GRID2: variants seen among roughly 807,000 people sequenced by gnomAD.
The protein encoded by GRID2 is glutamate ionotropic receptor delta type subunit 2.
A neutral mutation model predicts 114.8 loss-of-function variants in GRID2; 33 were observed. That is an observed-to-expected ratio of 0.29 (90% CI 0.22 to 0.38). GRID2 has a LOEUF of 0.38. Ranked by LOEUF, GRID2 falls within the 10% of genes least tolerant of loss-of-function variation. The pLI is 1.00. For missense variants in GRID2, 1,184 were observed against 1,257.7 expected, an observed-to-expected ratio of 0.94 and a Z score of 0.89; for synonymous variants, 505 against 449.9, an observed-to-expected ratio of 1.12 and a Z score of -1.55.
intron 2 of GRID2, among the ~76,000 whole-genome samples, chr4:93,002,021 G>C (rs1165315960): frequency 6.7e-6 from 1 of 150,204 alleles, no homozygotes; most frequent in South Asian, 2.1e-4. Context: ...AAGTAATTCT[G>C]TAAGCTAGTT....
chr4:93,635,164 T>C (rs986358513), intron 14 of GRID2, among the ~76,000 whole-genome samples: 23 of 151,792 alleles, frequency 1.5e-4, no homozygotes, highest in African/African-American at 5.6e-4. Flanking sequence ...CATCAGACTT[T>C]TTTTTAATTT....
rs1734202906 is a variant in GRID2 at position 93,772,635 on chromosome 4, C to T, written c.*137C>T. On this transcript the variant is annotated 3_prime_UTR_variant, in exon 16 of 16. Coordinates refer to ENST00000282020, the MANE Select transcript of GRID2 (RefSeq NM_001510.4). ...TTAGTAACAATTCTAGTTTTTTCCTCCCACCTTCTCCCTCTCCTCTCTCCT... is the reference window on the plus strand; with the variant it reads ...TTAGTAACAATTCTAGTTTTTTCCTTCCACCTTCTCCCTCTCCTCTCTCCT... The T allele has an allele frequency of 1.5e-5, 9 of 596,260 alleles. No homozygotes were observed. Among genetic ancestry groups the T allele is most frequent in the Non-Finnish European group, 2.3e-5 (8 of 348,550 alleles). 36.9% of individuals were successfully genotyped at this position (596,260 alleles called of 1,614,324 possible). A position where few individuals can be genotyped will look rare whatever the true frequency, so the allele number is the denominator to read the frequency against.
At chr4:93,233,583 T>C (rs12647937) in intron 7 of GRID2, among the ~76,000 whole-genome samples, 10,522 of 152,084 alleles carry the variant, frequency 0.069, 490 homozygotes, top group East Asian at 0.25. Flanking sequence ...CCTCAGGTGA[T>C]CCATCTGTCT....
At chr4:92,550,129 A>G (rs887778614) in intron 1 of GRID2, among the ~76,000 whole-genome samples, 3 of 152,152 alleles carry the variant, frequency 2.0e-5, no homozygotes, top group Non-Finnish European at 4.4e-5. Flanking sequence ...CACTGATTTT[A>G]CCATGCATAG....
At chr4:93,066,968 A>G (rs1043927792) in intron 2 of GRID2, among the ~76,000 whole-genome samples, 1 of 152,032 alleles carries the variant, frequency 6.6e-6, no homozygotes, top group Non-Finnish European at 1.5e-5. Context: ...CCTGGGAGGG[A>G]AGAAGCAGCA....
intron 13 of GRID2, among the ~76,000 whole-genome samples, chr4:93,592,422 T>C (rs1201435862): frequency 6.6e-6 from 1 of 152,118 alleles, no homozygotes; most frequent in South Asian, 2.1e-4. Context: ...GTCTGAGAGG[T>C]AGTTTGTTAT....
chr4:92,874,369 T>C (rs1376439317), intron 2 of GRID2, among the ~76,000 whole-genome samples: 8 of 152,224 alleles, frequency 5.3e-5, no homozygotes, highest in African/African-American at 1.9e-4. Flanking sequence ...TAAAATGAAA[T>C]GATTCGGATA....
chr4:92,618,381 C>T (rs7668740), intron 2 of GRID2, among the ~76,000 whole-genome samples: 60,576 of 151,408 alleles, frequency 0.4, 12,843 homozygotes, highest in African/African-American at 0.55. Flanking sequence ...TCTGTTCTTA[C>T]GAAAGCACCC....
At position 93,773,353 on chromosome 4, in the gene GRID2, G is replaced by C. The variant is rs941583221; in HGVS notation, c.*855G>C. 18 of 152,026 alleles carry C rather than the reference G, an allele frequency of 1.2e-4. No homozygotes were observed. Among genetic ancestry groups the C allele is most frequent in the African/African-American group, 4.1e-4 (17 of 41,496 alleles). The allele number at this position is 152,026 out of a possible 1,614,324, so 9.4% of individuals were successfully genotyped here. On this transcript the variant is annotated 3_prime_UTR_variant, in exon 16 of 16. Coordinates refer to ENST00000282020, the MANE Select transcript of GRID2 (RefSeq NM_001510.4). ...ATACAGGAACTATGTATAGTGCAGG[G>C]GTTCTTTTCAGTTAGAAAAGGCAGG...
chr4:93,617,351 G>C (rs1217804953), intron 13 of GRID2, among the ~76,000 whole-genome samples: 1 of 152,124 alleles, frequency 6.6e-6, no homozygotes, highest in Non-Finnish European at 1.5e-5. Flanking sequence ...ACTGTGCATT[G>C]GTGTCTTTTG....
At chr4:92,910,173 A>T (rs147327809) in intron 2 of GRID2, among the ~76,000 whole-genome samples, 38 of 152,196 alleles carry the variant, frequency 2.5e-4, no homozygotes, top group African/African-American at 8.7e-4. Context: ...AGAATTGAGC[A>T]ATAGGATTTA....
At chr4:92,746,572 A>G (rs1213927718) in intron 2 of GRID2, among the ~76,000 whole-genome samples, 3 of 152,092 alleles carry the variant, frequency 2.0e-5, no homozygotes, top group African/African-American at 7.2e-5. Context: ...GGAATGCTAA[A>G]TTAGTGGAGT....
intron 8 of GRID2, among the ~76,000 whole-genome samples, chr4:93,306,942 A>C (rs1755487954): frequency 6.6e-6 from 1 of 152,196 alleles, no homozygotes; most frequent in Non-Finnish European, 1.5e-5. Context: ...TCACGCCTGT[A>C]ATCCCAACAC....
intron 8 of GRID2, among the ~76,000 whole-genome samples, chr4:93,282,120 A>C (rs186647285): frequency 1.0e-3 from 159 of 152,132 alleles, no homozygotes; most frequent in African/African-American, 3.5e-3. Flanking sequence ...CTTTAATATG[A>C]GCTCTGGAAA....
intron 2 of GRID2, among the ~76,000 whole-genome samples, chr4:93,037,323 C>A (rs760483544): frequency 6.6e-6 from 1 of 152,052 alleles, no homozygotes; most frequent in Non-Finnish European, 1.5e-5. Flanking sequence ...GTTACACAGA[C>A]TTTAAAGAAA....
chr4:93,691,979 A>C (rs1371383563), intron 14 of GRID2, among the ~76,000 whole-genome samples: 2 of 152,088 alleles, frequency 1.3e-5, no homozygotes, highest in Admixed American at 1.3e-4. Flanking sequence ...CATTCAACAA[A>C]TATTCATTGA....
chr4:93,526,446 T>G (rs1730909782), intron 13 of GRID2, among the ~76,000 whole-genome samples: 1 of 152,206 alleles, frequency 6.6e-6, no homozygotes, highest in Non-Finnish European at 1.5e-5. Context: ...AAAAATTATT[T>G]TAGTCTCCAA....
At chr4:92,818,728 T>A (rs892064039) in intron 2 of GRID2, among the ~76,000 whole-genome samples, 1 of 152,154 alleles carries the variant, frequency 6.6e-6, no homozygotes, top group African/African-American at 2.4e-5. Flanking sequence ...TCATACTTCA[T>A]GTCTCTTCTG....
Position 92,912,602 on chromosome 4 carries a change from A to G in GRID2, c.245-172393A>G, listed in dbSNP as rs117171911. Among the ~76,000 whole-genome samples the G allele has an allele frequency of 2.0e-5, 3 of 152,036 alleles. No homozygotes were observed. In the East Asian group the frequency reaches 5.8e-4, roughly 29 times the overall value. On this transcript the variant is annotated intron_variant, in intron 2 of 15. Transcript: ENST00000282020. ...ATCAGCAAAAAACACTTATGTCAAT[A>G]GAGTTTCAAGAAGTACTTTAATATG... is the stretch of plus-strand genomic sequence containing the variant.
Sources: allele counts gnomAD v4.1 joint callset (sites outside exome capture counted in the v4.1 genomes callset), GRCh38; gene constraint gnomAD v4.1.1; transcripts MANE v1.5; gene names NCBI Gene and HGNC (gene_info 2026-07-23, HGNC 2026-07-21).